The following NOS1AP variants were observed in gnomAD, a reference collection of about 807,000 sequenced individuals.
NOS1AP encodes the protein nitric oxide synthase 1 adaptor protein, also known as carboxyl-terminal PDZ ligand of neuronal nitric oxide synthase protein.
In NOS1AP, 21 loss-of-function variants were observed where a neutral mutation model predicts 56.2. The ratio of observed to expected loss-of-function variants is 0.37; its 90% CI spans 0.26 to 0.54. NOS1AP has a LOEUF of 0.54. NOS1AP is among the 20% of genes least tolerant of loss of function. NOS1AP has a pLI of 0.84. For missense variants in NOS1AP, 522 were observed against 657.8 expected (o/e 0.79, Z 2.26); for synonymous variants, 270 against 274.6 (o/e 0.98, Z 0.17).
At chr1:162,225,355 A>G (rs1440932665) in intron 2 of NOS1AP, among the ~76,000 whole-genome samples, 2 of 152,100 alleles carry the variant, frequency 1.3e-5, no homozygotes, top group African/African-American at 2.4e-5. Context: ...TCCCTAGACC[A>G]GGACACCCTC....
In NOS1AP at chr1:162,367,493, G is replaced by A. The variant is rs1318258542; in HGVS notation, c.*26G>A. The A allele has an allele frequency of 3.3e-6, 5 of 1,528,886 alleles. No individual in the cohort carries two copies. The Admixed American group carries it at 7.8e-5, about 24-fold the overall frequency. 94.7% of individuals were successfully genotyped at this position (1,528,886 alleles called of 1,614,324 possible). ...GTGCCGAGGGCGAGGAGATGGAGGC[G>A]GCGGCGTGGCTGGAGGGGCCGTGTC... On this transcript the variant is annotated 3_prime_UTR_variant, in exon 10 of 10. Transcript: ENST00000361897. The surrounding 1 kb of genome is among the most constrained non-coding windows in gnomAD (Gnocchi z 6.5).
intron 1 of NOS1AP, among the ~76,000 whole-genome samples, chr1:162,125,194 C>T (rs57756679): frequency 0.13 from 19,763 of 148,162 alleles, 1,748 homozygotes; most frequent in African/African-American, 0.25. Context: ...AGTGCAGTGG[C>T]ACAAGCTCGG....
intron 2 of NOS1AP, among the ~76,000 whole-genome samples, chr1:162,268,359 A>G (rs1388496753): frequency 6.6e-6 from 1 of 151,862 alleles, no homozygotes; most frequent in East Asian, 1.9e-4. Context: ...TTTTCTCTGG[A>G]TAAACTGAAT....
intron 2 of NOS1AP, among the ~76,000 whole-genome samples, chr1:162,171,416 C>T (rs1158071783): frequency 6.6e-6 from 1 of 152,166 alleles, no homozygotes; most frequent in Non-Finnish European, 1.5e-5. Context: ...TGGGGCTGCT[C>T]ATCATGGTCT....
chr1:162,367,183 C>G lies in NOS1AP; in HGVS notation c.1237C>G (p.His413Asp). ...GGGCGCGGGCTTGGCTGACTTTGCC[C>G]ACCCTGCGGGCAGCCCCTTAGGTAG... ...PLGAGLADFA[H>D]PAGSPLGRRD... Residue 413 changes from histidine to aspartate, a missense_variant, in exon 10 of 10, where the codon CAC becomes GAC. Physicochemically the swap from His to Asp is moderately conservative, Grantham distance 81. Coordinates refer to ENST00000361897, the MANE Select transcript of NOS1AP (RefSeq NM_014697.3). This position sits in a 1 kb window ranked among gnomAD's most constrained non-coding sequence, Gnocchi z 6.5. The G allele has an allele frequency of 6.2e-7, 1 of 1,613,910 alleles. No individual in the cohort carries two copies. The highest frequency in any genetic ancestry group is 8.5e-7 in the Non-Finnish European group (1 of 1,179,968).
chr1:162,159,257 A>T (rs1418120687), intron 2 of NOS1AP, among the ~76,000 whole-genome samples: 2 of 152,136 alleles, frequency 1.3e-5, no homozygotes, highest in African/African-American at 4.8e-5. Context: ...TGAGAGCCAG[A>T]CTTGAGTCTT....
rs369874740 is a variant in NOS1AP at position 162,357,151 on chromosome 1, C to T, written c.939+15C>T. The T allele has an allele frequency of 4.4e-5, 71 of 1,602,216 alleles. No homozygotes were observed. The highest frequency in any genetic ancestry group is 5.7e-5 in the Non-Finnish European group (67 of 1,179,388). ...CTGTGGCCCAGGTTCTCCTCAGCCT[C>T]CTCCCTACTTCGCAGGCTCCACTCT... On this transcript the variant is annotated intron_variant, in intron 8 of 9. Transcript: ENST00000361897.
chr1:162,217,788 C>T (rs902503318), intron 2 of NOS1AP, among the ~76,000 whole-genome samples: 1 of 152,170 alleles, frequency 6.6e-6, no homozygotes. Flanking sequence ...CTTGGTCAGC[C>T]TGCCAGTTCC....
At chr1:162,363,765 T>C in intron 8 of NOS1AP, 1 of 984,154 alleles carries the variant, frequency 1.0e-6, no homozygotes, top group Non-Finnish European at 1.2e-6. Context: ...TATTTCACTG[T>C]ATCACACCTG....
intron 2 of NOS1AP, among the ~76,000 whole-genome samples, chr1:162,239,721 CAG>C (rs755572776): frequency 6.6e-6 from 1 of 152,120 alleles, no homozygotes; most frequent in Non-Finnish European, 1.5e-5. Flanking sequence ...GATGGGCTAA[CAG>C]AGGCCACTGT....
chr1:162,182,043 T>C (rs1246736955), intron 2 of NOS1AP, among the ~76,000 whole-genome samples: 1 of 152,232 alleles, frequency 6.6e-6, no homozygotes, highest in African/African-American at 2.4e-5. Context: ...CTCAGAGCTG[T>C]ACAGTGAGAT....
intron 1 of NOS1AP, among the ~76,000 whole-genome samples, chr1:162,147,953 A>G (rs1400865999): frequency 1.3e-5 from 2 of 152,136 alleles, no homozygotes; most frequent in African/African-American, 2.4e-5. Flanking sequence ...CAGGAATGCT[A>G]CAGAAGTCTT....
Position 162,367,338 on chromosome 1 carries a change from GGAGTAC to G in NOS1AP, c.1397_1402del (p.Tyr466_Glu467del), listed in dbSNP as rs1557896569. ...AGTTCCGAGAGTCAGGCATCGCCTC[GGAGTAC>G]GAGTCCAACACGGACGAGAGCGAGG... On this transcript the variant is annotated inframe_deletion, in exon 10 of 10. Transcript: ENST00000361897. This position sits in a 1 kb window ranked among gnomAD's most constrained non-coding sequence, Gnocchi z 6.5. 5.0e-6 allele frequency: 8 copies of G among 1,613,068 alleles called. No homozygotes were observed. The highest frequency in any genetic ancestry group is 6.8e-6 in the Non-Finnish European group (8 of 1,179,870).
intron 1 of NOS1AP, among the ~76,000 whole-genome samples, chr1:162,093,744 G>T (rs1178978356): frequency 6.6e-6 from 1 of 151,760 alleles, no homozygotes; most frequent in Admixed American, 6.6e-5. Flanking sequence ...GTGGAATCGA[G>T]GTCTCACTAT....
chr1:162,260,851 A>AT (rs957909122), intron 2 of NOS1AP, among the ~76,000 whole-genome samples: 2 of 152,048 alleles, frequency 1.3e-5, no homozygotes, highest in Non-Finnish European at 2.9e-5. Context: ...GTTCATCTCA[A>AT]TTTTTTTGCT....
intron 4 of NOS1AP, chr1:162,317,617 A>G (rs1557875842): frequency 6.6e-6 from 1 of 152,204 alleles, no homozygotes; most frequent in Non-Finnish European, 1.5e-5. Context: ...AGTATTGGCT[A>G]GGCCTCCCCA....
chr1:162,147,027 AT>A (rs1466933840), intron 1 of NOS1AP, among the ~76,000 whole-genome samples: 2 of 152,104 alleles, frequency 1.3e-5, no homozygotes, highest in Non-Finnish European at 2.9e-5. Flanking sequence ...TGATGCATTT[AT>A]TTTTGATTGA....
intron 3 of NOS1AP, among the ~76,000 whole-genome samples, chr1:162,299,981 C>T (rs1655588955): frequency 6.6e-6 from 1 of 152,144 alleles, no homozygotes; most frequent in African/African-American, 2.4e-5. Context: ...AATTAATCCA[C>T]TGTATACCCC....
chr1:162,234,646 C>A (rs1350502182), intron 2 of NOS1AP, among the ~76,000 whole-genome samples: 3 of 152,140 alleles, frequency 2.0e-5, no homozygotes, highest in Non-Finnish European at 4.4e-5. Context: ...CCTTAAAATT[C>A]TTGCTGTCCT....
Sources: gnomAD v4.1 joint callset for allele counts (sites outside exome capture counted in the v4.1 genomes callset) on GRCh38, gnomAD v4.1.1 for gene constraint, Gnocchi (gnomAD v3.1) non-coding constraint, MANE v1.5 for transcripts, NCBI Gene and HGNC (gene_info 2026-07-23, HGNC 2026-07-21) for gene names.